Variants in POR observed in about 807,000 individuals in gnomAD.
POR encodes cytochrome p450 oxidoreductase, also known as NADPH--cytochrome P450 reductase.
In POR, 56 loss-of-function variants were observed where a neutral mutation model predicts 84.0. The observed-to-expected ratio is 0.67, with a 90% CI of 0.54 to 0.83. The LOEUF (loss-of-function observed/expected upper bound fraction) is 0.83. Ranked by LOEUF, POR falls within the 40% of genes least tolerant of loss-of-function variation. POR has a pLI of 0.00. For missense variants in POR, 938 were observed against 944.3 expected (o/e 0.99, Z 0.09); for synonymous variants, 414 against 400.5 (o/e 1.03, Z -0.40).
At chr7:75,977,369 C>G (rs1304507493) in intron 3 of POR, among the ~76,000 whole-genome samples, 2 of 152,208 alleles carry the variant, frequency 1.3e-5, no homozygotes, top group Non-Finnish European at 2.9e-5. Flanking sequence ...TCAGGACACA[C>G]CACGTGTAGC....
chr7:75,981,976 G>A (rs2116601373), intron 7 of POR: 2 of 567,388 alleles, frequency 3.5e-6, no homozygotes, highest in East Asian at 2.9e-5. Context: ...CCTTCTCCCA[G>A]ATGGAAGCCT....
chr7:75,982,382 C>A, intron 8 of POR, 60 bp downstream of exon 8: 4 of 1,369,470 alleles, frequency 2.9e-6, no homozygotes, highest in Non-Finnish European at 4.1e-6. Flanking sequence ...GCACCCCAGG[C>A]TCAGTCTGCC....
chr7:75,963,976 C>T (rs1296381031), intron 2 of POR, among the ~76,000 whole-genome samples: 5 of 150,902 alleles, frequency 3.3e-5, no homozygotes, highest in African/African-American at 1.2e-4. Flanking sequence ...TTTATCAGAG[C>T]ATCTAAGTTT....
chr7:75,967,569 A>G (rs1259112667), intron 2 of POR, among the ~76,000 whole-genome samples: 2 of 151,216 alleles, frequency 1.3e-5, no homozygotes, highest in Non-Finnish European at 1.5e-5. Context: ...TCCTTTATGG[A>G]GTGCAGCCCT....
chr7:75,934,474 G>GA (rs1807573870), intron 1 of POR, among the ~76,000 whole-genome samples: 1 of 152,108 alleles, frequency 6.6e-6, no homozygotes, highest in Non-Finnish European at 1.5e-5. Flanking sequence ...GTGACAGAAA[G>GA]AAAAAACTTT....
chr7:75,967,269 G>C (rs561963645), intron 2 of POR, among the ~76,000 whole-genome samples: 2 of 152,100 alleles, frequency 1.3e-5, no homozygotes, highest in South Asian at 4.1e-4. Flanking sequence ...ACTGCACTCC[G>C]CCGAGCCTTG....
At chr7:75,955,416 C>T (rs1477913216) in intron 2 of POR, among the ~76,000 whole-genome samples, 4 of 152,210 alleles carry the variant, frequency 2.6e-5, no homozygotes, top group Non-Finnish European at 5.9e-5. Context: ...ATAAGCCACA[C>T]GGAAAAGTCA....
chr7:75,980,256 C>A, intron 4 of POR, 83 bp from the exon 5 acceptor site: 2 of 1,516,538 alleles, frequency 1.3e-6, no homozygotes, highest in Non-Finnish European at 8.9e-7. Flanking sequence ...CTGGGCAGGA[C>A]CTGGCCTTCC....
rs782275197 is a variant in POR, at chr7:75,986,152, G to A, written c.1816-7G>A. 2 of 1,607,828 alleles carry A rather than the reference G, an allele frequency of 1.2e-6. No individual in the cohort carries two copies. Among genetic ancestry groups the A allele is most frequent in the Non-Finnish European group, 1.7e-6 (2 of 1,177,520 alleles). ...TGCCCCCCTCACAGCACCACCCTTG[G>A]CCCCAGGTCTACGTCCAGCACCTGC... On this transcript the variant is annotated splice_polypyrimidine_tract_variant and splice_region_variant and intron_variant, in intron 14 of 15. Coordinates refer to ENST00000461988, the MANE Select transcript of POR (RefSeq NM_000941.3).
chr7:75,976,300 G>A (rs1370432710), intron 3 of POR, among the ~76,000 whole-genome samples: 4 of 151,818 alleles, frequency 2.6e-5, no homozygotes, highest in African/African-American at 9.7e-5. Context: ...AAAATTAGCC[G>A]GGCGTGGTGG....
chr7:75,930,879 G>A (rs1554550071), intron 1 of POR, among the ~76,000 whole-genome samples: 1 of 152,004 alleles, frequency 6.6e-6, no homozygotes, highest in East Asian at 1.9e-4. Flanking sequence ...CTGGAGTGCA[G>A]TGTTGGGATC....
chr7:75,942,953 CTTT>C (rs1236331124), intron 1 of POR, among the ~76,000 whole-genome samples: 1 of 140,908 alleles, frequency 7.1e-6, no homozygotes, highest in Non-Finnish European at 1.5e-5. Flanking sequence ...TTTTCTTTTT[CTTT>C]TTTTTTTTTT....
At chr7:75,974,196 T>C (rs1788569070) in intron 3 of POR, among the ~76,000 whole-genome samples, 2 of 152,178 alleles carry the variant, frequency 1.3e-5, no homozygotes, top group South Asian at 4.1e-4. Context: ...TGTGAATATG[T>C]AGCTCGGTTT....
Position 75,986,390 on chromosome 7 carries a change from C to T in POR, c.1952C>T (p.Ala651Val), listed in dbSNP as rs1554559473. ...CAGAACACCTTCTACGACATCGTGGCTGAGCTCGGGGCCATGGAGCACGCG... is the reference window on the plus strand; with the variant it reads ...CAGAACACCTTCTACGACATCGTGGTTGAGCTCGGGGCCATGGAGCACGCG... The change falls in exon 16 of 16, where the codon GCT (alanine) becomes GTT (valine). Residue 651 changes from alanine (A) to valine (V), a missense_variant. Coordinates refer to ENST00000461988, the MANE Select transcript of POR (RefSeq NM_000941.3). 1 of 1,612,578 alleles carries T rather than the reference C, an allele frequency of 6.2e-7. No individual in the cohort carries two copies. Among genetic ancestry groups the T allele is most frequent in the South Asian group, 1.1e-5 (1 of 91,090 alleles).
At chr7:75,916,356 C>G (rs530881857) in intron 1 of POR, among the ~76,000 whole-genome samples, 2 of 152,270 alleles carry the variant, frequency 1.3e-5, no homozygotes, top group Non-Finnish European at 2.9e-5. Flanking sequence ...GGCATTGATT[C>G]ATTAACCATT....
intron 1 of POR, chr7:75,943,710 G>T: frequency 6.4e-6 from 2 of 312,302 alleles, no homozygotes; most frequent in East Asian, 8.2e-5. Context: ...TTCAAACTTG[G>T]TATTGACTCC....
At chr7:75,946,167 G>GTCTA (rs1311862349) in intron 1 of POR, among the ~76,000 whole-genome samples, 5 of 151,968 alleles carry the variant, frequency 3.3e-5, no homozygotes, top group Non-Finnish European at 5.9e-5. Flanking sequence ...ACCCTTCTCT[G>GTCTA]TATGTTGTAT....
intron 1 of POR, among the ~76,000 whole-genome samples, chr7:75,929,300 A>G (rs782718316): frequency 3.3e-5 from 5 of 152,172 alleles, no homozygotes; most frequent in East Asian, 3.9e-4. Flanking sequence ...GTCTGGCTCT[A>G]TCGCCCAGGC....
chr7:75,942,185 C>T (rs1209214817), intron 1 of POR, among the ~76,000 whole-genome samples: 2 of 152,140 alleles, frequency 1.3e-5, no homozygotes, highest in African/African-American at 4.8e-5. Context: ...TGCGATTGTG[C>T]CACTGCACTG....
Sources: gnomAD v4.1 joint callset for allele counts (sites outside exome capture counted in the v4.1 genomes callset) on GRCh38, gnomAD v4.1.1 for gene constraint, MANE v1.5 for transcripts, NCBI Gene and HGNC (gene_info 2026-07-23, HGNC 2026-07-21) for gene names.